The following MICU2 variants were observed in gnomAD, a reference collection of about 807,000 sequenced individuals.
The protein encoded by MICU2 is mitochondrial calcium uptake 2, also known as calcium uptake protein 2, mitochondrial.
A neutral mutation model predicts 60.4 loss-of-function variants in MICU2; 64 were observed. That is an observed-to-expected ratio of 1.06 (90% confidence interval 0.87 to 1.31). MICU2 has a LOEUF of 1.31. Among genes scored for constraint, MICU2 ranks in the 50% most tolerant of loss-of-function variants. The pLI, the probability that MICU2 is intolerant of heterozygous loss-of-function variation, is 0.00. For synonymous variants in MICU2, 201 were observed against 175.0 expected (o/e 1.15, Z -1.17); for missense variants, 569 against 531.0 (o/e 1.07, Z -0.70).
intron 2 of MICU2, among the ~76,000 whole-genome samples, chr13:21,547,854 C>A (rs527449508): frequency 6.6e-6 from 1 of 151,934 alleles, no homozygotes; most frequent in East Asian, 1.9e-4. Context: ...GCCTCTGGTA[C>A]TTCTTAGAGA....
chr13:21,498,171 T>G (rs1886048477), intron 9 of MICU2, among the ~76,000 whole-genome samples: 3 of 152,186 alleles, frequency 2.0e-5, no homozygotes, highest in Non-Finnish European at 4.4e-5. Flanking sequence ...TTCACTGGTT[T>G]CCAGCTTTTG....
chr13:21,556,978 C>T (rs927290141), intron 2 of MICU2, among the ~76,000 whole-genome samples: 2 of 151,934 alleles, frequency 1.3e-5, no homozygotes, highest in Admixed American at 6.6e-5. Context: ...AGGCTAAGTC[C>T]GACAAGAACA....
At chr13:21,572,214 A>C (rs1004615301) in intron 1 of MICU2, among the ~76,000 whole-genome samples, 1 of 152,268 alleles carries the variant, frequency 6.6e-6, no homozygotes, top group Non-Finnish European at 1.5e-5. Context: ...TGACTGTGGC[A>C]TAAGTTTTAA....
chr13:21,580,981 AGAT>A (rs773994058), intron 1 of MICU2, among the ~76,000 whole-genome samples: 6 of 152,234 alleles, frequency 3.9e-5, no homozygotes, highest in Non-Finnish European at 8.8e-5. Context: ...AGAACAAAAG[AGAT>A]GAACTAGTGA....
chr13:21,509,639 G>T (rs114314113), intron 8 of MICU2, among the ~76,000 whole-genome samples: 1 of 152,198 alleles, frequency 6.6e-6, no homozygotes, highest in Non-Finnish European at 1.5e-5. Flanking sequence ...CTGCCCAACC[G>T]ACTCAAAGAC....
chr13:21,570,087 G>A (rs1362039574), intron 1 of MICU2, among the ~76,000 whole-genome samples: 1 of 152,152 alleles, frequency 6.6e-6, no homozygotes, highest in Non-Finnish European at 1.5e-5. Context: ...TAGTCCCTGG[G>A]CTAACTGTTG....
At position 21,597,948 on chromosome 13, in the gene MICU2, A is replaced by AAC. The variant is rs1555277646; in HGVS notation, c.210+5990_210+5991insGT. Among the ~76,000 whole-genome samples, 156 of 143,236 alleles carry AAC rather than the reference A, an allele frequency of 1.1e-3. 9 individuals carry two copies. The highest frequency in any genetic ancestry group is 1.8e-3 in the Non-Finnish European group (115 of 64,586). The allele number at this position is 143,236 out of a possible 152,430, so 94.0% of individuals were successfully genotyped here. On this transcript the variant is annotated intron_variant, in intron 1 of 11. Transcript: ENST00000382374. The stretch of plus-strand genomic sequence containing the variant: ...TCTGTCTCAAAAAAAAAAAAAAAAA[A>AAC]AGAATTTCAAAGAGCGATAAGTACT...
At chr13:21,526,652 C>T (rs1886864815) in intron 4 of MICU2, among the ~76,000 whole-genome samples, 1 of 151,752 alleles carries the variant, frequency 6.6e-6, no homozygotes, top group African/African-American at 2.4e-5. Context: ...AAAGATGTCA[C>T]AGAGGAGGTA....
At chr13:21,601,075 C>T (rs893492124) in intron 1 of MICU2, among the ~76,000 whole-genome samples, 9 of 152,192 alleles carry the variant, frequency 5.9e-5, no homozygotes, top group Non-Finnish European at 1.3e-4. Flanking sequence ...GGATTACAGG[C>T]GTGAGCCACC....
Position 21,604,083 on chromosome 13 carries a change from G to A in MICU2, c.66C>T (p.Leu22=), listed in dbSNP as rs750760957. 6.3e-7 allele frequency: 1 copy of A among 1,597,368 alleles called. No individual in the cohort carries two copies. The highest frequency in any genetic ancestry group is 1.7e-5 in the Admixed American group (1 of 58,774). The part of the protein sequence containing the change: ...AAWGGKLRRG[L]AVSRQAVRSP... Reference sequence around the variant, plus strand: ...TCCGCACAGCCTGTCGGCTGACAGCGAGCCCCCGTCGCAGTTTTCCGCCCC... The same window carrying A: ...TCCGCACAGCCTGTCGGCTGACAGCAAGCCCCCGTCGCAGTTTTCCGCCCC... Residue 22 remains leucine (L), a synonymous_variant, in exon 1 of 12, where the codon CTC becomes CTT. Transcript: ENST00000382374.
intron 8 of MICU2, among the ~76,000 whole-genome samples, chr13:21,507,606 A>AAT (rs1566140823): frequency 1.4e-5 from 2 of 141,998 alleles, no homozygotes; most frequent in Non-Finnish European, 1.5e-5. Flanking sequence ...AGAAACTTAG[A>AAT]TTTTTTTTTT....
chr13:21,571,714 G>GA (rs1331334458), intron 1 of MICU2, among the ~76,000 whole-genome samples: 1 of 152,116 alleles, frequency 6.6e-6, no homozygotes, highest in Non-Finnish European at 1.5e-5. Flanking sequence ...GGAAAAAAAA[G>GA]AAAGGCAAAA....
chr13:21,600,443 C>A (rs1888788438), intron 1 of MICU2, among the ~76,000 whole-genome samples: 1 of 152,180 alleles, frequency 6.6e-6, no homozygotes, highest in Non-Finnish European at 1.5e-5. Flanking sequence ...TCCACAGCAC[C>A]CAGTATTTAA....
intron 4 of MICU2, 69 bp from the exon 5 acceptor site, chr13:21,522,719 T>G: frequency 8.6e-7 from 1 of 1,167,572 alleles, no homozygotes; most frequent in South Asian, 1.6e-5. Context: ...ACATTAACAT[T>G]GAAATTTCAC....
rs368539988 is a variant in MICU2 at position 21,565,423 on chromosome 13, C to T, written c.358+1374G>A. Among the ~76,000 whole-genome samples, 333 of 151,868 alleles carry T rather than the reference C, an allele frequency of 2.2e-3. 1 individual carries two copies. The highest frequency in any genetic ancestry group is 7.6e-3 in the African/African-American group (313 of 41,414). On this transcript the variant is annotated intron_variant, in intron 2 of 11. Coordinates refer to ENST00000382374, the MANE Select transcript of MICU2 (RefSeq NM_152726.3). ...TTGCAATCCCAGCACTTTGGGAGGC[C>T]GGGGAGGGTGGATCACGAGATCAGG...
At chr13:21,554,567 A>G (rs1333172355) in intron 2 of MICU2, among the ~76,000 whole-genome samples, 1 of 152,192 alleles carries the variant, frequency 6.6e-6, no homozygotes, top group Non-Finnish European at 1.5e-5. Context: ...CAAAATGCCC[A>G]CAAGAGAAAG....
intron 4 of MICU2, among the ~76,000 whole-genome samples, chr13:21,523,785 T>C (rs1178574971): frequency 6.6e-6 from 1 of 152,220 alleles, no homozygotes; most frequent in Non-Finnish European, 1.5e-5. Flanking sequence ...CAGCAGGATT[T>C]CTGATGCAAA....
intron 10 of MICU2, chr13:21,495,809 C>A (rs1432911746): frequency 2.0e-5 from 7 of 344,678 alleles, no homozygotes; most frequent in African/African-American, 8.7e-5. Flanking sequence ...GCTGGGATTA[C>A]AGGCATGAGC....
chr13:21,563,253 A>C (rs565418717), intron 2 of MICU2, among the ~76,000 whole-genome samples: 57 of 152,164 alleles, frequency 3.7e-4, no homozygotes, highest in African/African-American at 1.2e-3. Context: ...CACGAGATCG[A>C]GACCATCCTG....
Sources: gnomAD v4.1 joint callset for allele counts (sites outside exome capture counted in the v4.1 genomes callset) on GRCh38, gnomAD v4.1.1 for gene constraint, MANE v1.5 for transcripts, NCBI Gene and HGNC (gene_info 2026-07-23, HGNC 2026-07-21) for gene names.